ALG5: variants seen among roughly 807,000 people sequenced by gnomAD.
The protein encoded by ALG5 is ALG5 dolichyl-phosphate beta-glucosyltransferase.
Under a neutral mutation model 51.8 loss-of-function variants are expected in ALG5, and 26 were observed. The observed-to-expected ratio is 0.50, with a 90% CI of 0.37 to 0.70. The LOEUF is 0.70. ALG5 is among the 30% of genes least tolerant of loss of function. The pLI is 0.00. For synonymous variants in ALG5, 141 were observed against 136.1 expected (o/e 1.04, Z -0.25); for missense variants, 311 against 399.3 (o/e 0.78, Z 1.88).
chr13:36,995,376 T>G lies in ALG5; in HGVS notation c.238+49A>C, dbSNP rs752312336. 1.9e-6 allele frequency: 3 copies of G among 1,559,556 alleles called. No individual in the cohort carries two copies. The South Asian group carries it at 3.6e-5, about 18-fold the overall frequency. On this transcript the variant is annotated intron_variant, in intron 2 of 9. Coordinates refer to ENST00000239891, the MANE Select transcript of ALG5 (RefSeq NM_013338.5). ...GTGAAGTCAAATACTTTAAATTTCC[T>G]TTTCTTTTCCAAACTACCCTTTACC...
At chr13:36,965,374 T>C (rs900620191) in intron 8 of ALG5, among the ~76,000 whole-genome samples, 1 of 152,124 alleles carries the variant, frequency 6.6e-6, no homozygotes, top group Admixed American at 6.5e-5. Flanking sequence ...CACATAACTT[T>C]ATACCATATT....
In ALG5 at chr13:36,988,335, T is replaced by C. The variant is rs912811144; in HGVS notation, c.447+1149A>G. Among the ~76,000 whole-genome samples the C allele has an allele frequency of 7.2e-5, 11 of 152,380 alleles. No homozygotes were observed. The South Asian group carries it at 1.9e-3, about 26-fold the overall frequency. The stretch of plus-strand genomic sequence containing the variant: ...GAATAAAGAAACAAATGGATAGATT[T>C]AAAGCCCATCATGACACTGCATCAA... On this transcript the variant is annotated intron_variant, in intron 5 of 9. Coordinates refer to ENST00000239891, the MANE Select transcript of ALG5 (RefSeq NM_013338.5).
At chr13:36,981,105 C>A (rs931707750) in intron 6 of ALG5, among the ~76,000 whole-genome samples, 2 of 152,036 alleles carry the variant, frequency 1.3e-5, no homozygotes, top group African/African-American at 4.8e-5. Context: ...CACTTATTAT[C>A]AGAAAAGAAA....
At chr13:36,962,357 G>C (rs1344376017) in intron 8 of ALG5, among the ~76,000 whole-genome samples, 2 of 152,148 alleles carry the variant, frequency 1.3e-5, no homozygotes, top group Non-Finnish European at 2.9e-5. Context: ...GTGGTGAAGG[G>C]TATACTGCTC....
At chr13:36,973,107 A>C (rs955740894) in intron 6 of ALG5, among the ~76,000 whole-genome samples, 1 of 151,294 alleles carries the variant, frequency 6.6e-6, no homozygotes, top group Admixed American at 6.6e-5. Context: ...AAAAAAAAAA[A>C]GGTCCTTGTT....
At chr13:36,982,128 C>G (rs994239658) in intron 6 of ALG5, among the ~76,000 whole-genome samples, 1 of 152,126 alleles carries the variant, frequency 6.6e-6, no homozygotes, top group East Asian at 1.9e-4. Flanking sequence ...CAACAAAAAC[C>G]GTAAGAACTG....
rs369694406 is a variant in ALG5, at chr13:36,994,937, A to T, written c.285+52T>A. 3.6e-4 allele frequency: 556 copies of T among 1,525,186 alleles called. 5 individuals are homozygous for T. The highest frequency in any genetic ancestry group is 7.0e-5 in the Admixed American group (4 of 56,938). The allele number at this position is 1,525,186 out of a possible 1,614,324, so 94.5% of individuals were successfully genotyped here. A position where few individuals can be genotyped will look rare whatever the true frequency, so the allele number is the denominator to read the frequency against. ...TCTGGCTTGGGGTCCACAATTGGTGACCTGGTCTAGTTTTAATTGGAGATA... is the reference window on the plus strand; with the variant it reads ...TCTGGCTTGGGGTCCACAATTGGTGTCCTGGTCTAGTTTTAATTGGAGATA... On this transcript the variant is annotated intron_variant, in intron 3 of 9. Coordinates refer to ENST00000239891, the MANE Select transcript of ALG5 (RefSeq NM_013338.5).
intron 8 of ALG5, among the ~76,000 whole-genome samples, chr13:36,963,857 A>G (rs1299271289): frequency 6.6e-6 from 1 of 152,212 alleles, no homozygotes; most frequent in African/African-American, 2.4e-5. Context: ...GCAGATACCC[A>G]ACATGAACAG....
chr13:36,985,323 A>G (rs1180690899), intron 6 of ALG5, among the ~76,000 whole-genome samples: 1 of 152,142 alleles, frequency 6.6e-6, no homozygotes, highest in African/African-American at 2.4e-5. Context: ...TTCAGGCTAT[A>G]CTTTTAAATA....
At chr13:36,978,127 C>T (rs908019203) in intron 6 of ALG5, among the ~76,000 whole-genome samples, 1 of 150,402 alleles carries the variant, frequency 6.6e-6, no homozygotes, top group African/African-American at 2.4e-5. Context: ...ACCTCATGAT[C>T]CACCCGCCTC....
chr13:36,971,883 A>T (rs1292012304), intron 7 of ALG5, 94 bp downstream of exon 7: 2 of 889,174 alleles, frequency 2.2e-6, no homozygotes, highest in African/African-American at 1.7e-5. Context: ...TTAAGAGATT[A>T]GACATAAAAG....
intron 5 of ALG5, among the ~76,000 whole-genome samples, chr13:36,986,068 A>T (rs2059000499): frequency 6.6e-6 from 1 of 152,198 alleles, no homozygotes; most frequent in Non-Finnish European, 1.5e-5. Context: ...CATACATATT[A>T]TATGTTTATC....
At chr13:36,971,933 A>G in intron 7 of ALG5, 44 bp downstream of exon 7, 2 of 1,478,496 alleles carry the variant, frequency 1.4e-6, no homozygotes, top group South Asian at 2.5e-5. Flanking sequence ...AAAGAAATAA[A>G]AGCCAATTAA....
At chr13:36,952,289 G>A (rs1389605745) in intron 9 of ALG5, among the ~76,000 whole-genome samples, 1 of 152,110 alleles carries the variant, frequency 6.6e-6, no homozygotes, top group East Asian at 1.9e-4. Flanking sequence ...CTTCGACAAG[G>A]TAGTAGGCCT....
chr13:36,955,686 GAAAAAAA>G (rs35130767), intron 8 of ALG5, among the ~76,000 whole-genome samples: 5,935 of 36,450 alleles, frequency 0.16, 315 homozygotes, highest in African/African-American at 0.29. Flanking sequence ...CAGAGATTGT[GAAAAAAA>G]AAAAAAAAAA....
chr13:36,983,190 C>T (rs1566065226), intron 6 of ALG5, among the ~76,000 whole-genome samples: 1 of 152,108 alleles, frequency 6.6e-6, no homozygotes, highest in South Asian at 2.1e-4. Context: ...AAATCTGATG[C>T]CTTATGCCCT....
At chr13:36,996,347 A>G (rs9576151) in intron 1 of ALG5, among the ~76,000 whole-genome samples, 52,223 of 152,092 alleles carry the variant, frequency 0.34, 10,344 homozygotes, top group East Asian at 0.72. Flanking sequence ...TTAATGATCA[A>G]TTTGAAGACA....
intron 6 of ALG5, among the ~76,000 whole-genome samples, chr13:36,975,936 T>C (rs529542245): frequency 2.5e-3 from 376 of 150,192 alleles, no homozygotes; most frequent in Middle Eastern, 6.9e-3. Flanking sequence ...CAGGAACCAC[T>C]GCACTCCAGC....
intron 2 of ALG5, 139 bp downstream of exon 2, chr13:36,995,286 A>T: frequency 1.0e-6 from 1 of 959,354 alleles, no homozygotes; most frequent in Non-Finnish European, 1.5e-6. Flanking sequence ...CTCTCTGCCG[A>T]ACTACAACAA....
Sources: gnomAD v4.1 joint callset for allele counts (sites outside exome capture counted in the v4.1 genomes callset) on GRCh38, gnomAD v4.1.1 for gene constraint, MANE v1.5 for transcripts, NCBI Gene and HGNC (gene_info 2026-07-23, HGNC 2026-07-21) for gene names.